RPS6KA2: variants seen among roughly 807,000 people sequenced by gnomAD.
The protein encoded by RPS6KA2 is ribosomal protein S6 kinase A2, also known as ribosomal protein S6 kinase alpha-2.
In RPS6KA2, 42 loss-of-function variants were observed where a neutral mutation model predicts 91.8. The observed-to-expected ratio is 0.46, with a 90% CI of 0.36 to 0.59. RPS6KA2 has a LOEUF of 0.59. RPS6KA2 is among the 20% of genes least tolerant of loss of function. RPS6KA2 has a pLI of 0.00. For synonymous variants in RPS6KA2, 414 were observed against 393.6 expected (o/e 1.05, Z -0.61); for missense variants, 798 against 978.5 (o/e 0.82, Z 2.46).
intron 11 of RPS6KA2, among the ~76,000 whole-genome samples, chr6:166,462,371 G>A (rs1207600882): frequency 6.6e-6 from 1 of 152,212 alleles, no homozygotes; most frequent in African/African-American, 2.4e-5. Flanking sequence ...CAGCTGTCCA[G>A]GAAAGCACAG....
At chr6:166,535,055 A>T (rs900099017) in intron 2 of RPS6KA2, among the ~76,000 whole-genome samples, 1 of 152,214 alleles carries the variant, frequency 6.6e-6, no homozygotes, top group African/African-American at 2.4e-5. Flanking sequence ...ATAAGCTCCA[A>T]AACAACACTG....
intron 10 of RPS6KA2, among the ~76,000 whole-genome samples, chr6:166,481,549 C>G (rs573790274): frequency 1.3e-5 from 2 of 152,264 alleles, no homozygotes; most frequent in East Asian, 3.9e-4. Context: ...GCTGAATTCT[C>G]TGATGAGATA....
At chr6:166,788,959 T>C (rs1583120127) in intron 2 of RPS6KA2, among the ~76,000 whole-genome samples, 1 of 152,188 alleles carries the variant, frequency 6.6e-6, no homozygotes, top group Non-Finnish European at 1.5e-5. Flanking sequence ...GATTTCTGCA[T>C]TTCCATCTGA....
chr6:166,752,068 T>C (rs1286683638), intron 2 of RPS6KA2, among the ~76,000 whole-genome samples: 1 of 152,262 alleles, frequency 6.6e-6, no homozygotes, highest in Admixed American at 6.5e-5. Flanking sequence ...CAGGTCCATT[T>C]GTACCTGGGT....
intron 14 of RPS6KA2, among the ~76,000 whole-genome samples, chr6:166,443,929 T>G (rs1779598038): frequency 6.6e-6 from 1 of 152,178 alleles, no homozygotes; most frequent in Admixed American, 6.5e-5. Flanking sequence ...CTAAAAAATT[T>G]TCCAGTATAT....
chr6:166,469,791 C>T, intron 11 of RPS6KA2, 50 bp downstream of exon 11: 2 of 1,511,588 alleles, frequency 1.3e-6, no homozygotes, highest in Non-Finnish European at 1.8e-6. Context: ...TTCCCTCCAC[C>T]CACTTCTGTG....
chr6:166,591,792 C>A (rs1259022671), intron 1 of RPS6KA2, among the ~76,000 whole-genome samples: 4 of 152,184 alleles, frequency 2.6e-5, no homozygotes, highest in African/African-American at 4.8e-5. Flanking sequence ...AGAAAACTAA[C>A]CCAGCATTTA....
At chr6:166,766,727 G>A (rs138229832) in intron 2 of RPS6KA2, among the ~76,000 whole-genome samples, 191 of 152,322 alleles carry the variant, frequency 1.3e-3, no homozygotes, top group African/African-American at 4.4e-3. Context: ...CACAGATTTT[G>A]AAAGCCCACC....
At chr6:166,830,322 G>A (rs1476214321) in intron 2 of RPS6KA2, among the ~76,000 whole-genome samples, 2 of 152,142 alleles carry the variant, frequency 1.3e-5, no homozygotes, top group Non-Finnish European at 2.9e-5. Context: ...AAGTAGAACA[G>A]TTGCTGTCTC....
In RPS6KA2 at chr6:166,770,731, C is replaced by T. The variant is rs1246889962; in HGVS notation, c.123+87469G>A. 4 of 844,546 alleles carry T rather than the reference C, an allele frequency of 4.7e-6. No homozygotes were observed. The highest frequency in any genetic ancestry group is 3.4e-5 in the African/African-American group (2 of 58,944). The allele number at this position is 844,546 out of a possible 1,614,324, so 52.3% of individuals were successfully genotyped here. ...GGTCCAGCCTTCTAAAAGCTCTTCG[C>T]ACCTTGCCTTGCTGGACTCCGGGCA... On this transcript the variant is annotated intron_variant, in intron 2 of 21. Coordinates refer to the RPS6KA2 transcript ENST00000503859. The surrounding 1 kb of genome is among the most constrained non-coding windows in gnomAD (Gnocchi z 5.1).
chr6:166,649,545 A>T (rs375314748), intron 2 of RPS6KA2, among the ~76,000 whole-genome samples: 2 of 152,302 alleles, frequency 1.3e-5, no homozygotes, highest in East Asian at 3.9e-4. Flanking sequence ...TGAGAGCCTA[A>T]TGTCACCCTA....
chr6:166,474,598 C>T (rs1365424679), intron 10 of RPS6KA2, among the ~76,000 whole-genome samples: 1 of 145,640 alleles, frequency 6.9e-6, no homozygotes, highest in African/African-American at 2.7e-5. Context: ...TTTATACTCA[C>T]TGCAAACTCC....
At position 166,677,633 on chromosome 6, in the gene RPS6KA2, T is replaced by A. The variant is rs967113572; in HGVS notation, c.124-138849A>T. On this transcript the variant is annotated intron_variant, in intron 2 of 21. Coordinates refer to the RPS6KA2 transcript ENST00000503859. ...AAGTGCTGGGATTACAGGCATGTAT[T>A]TACCAACCTGAGTAGGTATTAATGC... is the stretch of plus-strand genomic sequence containing the variant. Among the ~76,000 whole-genome samples the A allele has an allele frequency of 1.3e-5, 2 of 152,204 alleles. 1 individual carries two copies. Among genetic ancestry groups the A allele is most frequent in the Admixed American group, 1.3e-4 (2 of 15,276 alleles).
At chr6:166,672,349 A>T (rs1459974687) in intron 2 of RPS6KA2, among the ~76,000 whole-genome samples, 1 of 152,188 alleles carries the variant, frequency 6.6e-6, no homozygotes, top group Non-Finnish European at 1.5e-5. Context: ...GATACTATTC[A>T]TCTGCTAGAT....
intron 1 of RPS6KA2, chr6:166,861,958 T>C (rs931797301): frequency 6.0e-5 from 56 of 937,878 alleles, no homozygotes; most frequent in Non-Finnish European, 7.9e-5. Flanking sequence ...CAACGCAACA[T>C]ATACATCCAC....
At chr6:166,468,684 A>G (rs1780630649) in intron 11 of RPS6KA2, among the ~76,000 whole-genome samples, 1 of 151,896 alleles carries the variant, frequency 6.6e-6, no homozygotes, top group African/African-American at 2.4e-5. Flanking sequence ...TAACACGGTG[A>G]AACCCTGTCT....
intron 6 of RPS6KA2, among the ~76,000 whole-genome samples, chr6:166,504,202 G>A (rs1484203065): frequency 6.6e-6 from 1 of 152,228 alleles, no homozygotes; most frequent in East Asian, 1.9e-4. Context: ...TCGTGGGCGT[G>A]CCCCTCCCCA....
intron 3 of RPS6KA2, among the ~76,000 whole-genome samples, chr6:166,530,902 G>A (rs1044435954): frequency 6.6e-6 from 1 of 152,228 alleles, no homozygotes; most frequent in Admixed American, 6.5e-5. Context: ...TGCCGGTATC[G>A]AGGCTGGTTT....
chr6:166,597,147 G>C (rs1785561315), intron 1 of RPS6KA2, among the ~76,000 whole-genome samples: 2 of 152,248 alleles, frequency 1.3e-5, no homozygotes, highest in Non-Finnish European at 2.9e-5. Context: ...AAAGAAACAA[G>C]ATAGTGCACG....
Sources: gnomAD v4.1 joint callset for allele counts (sites outside exome capture counted in the v4.1 genomes callset) on GRCh38, gnomAD v4.1.1 for gene constraint, Gnocchi (gnomAD v3.1) non-coding constraint, MANE v1.5 for transcripts, NCBI Gene and HGNC (gene_info 2026-07-23, HGNC 2026-07-21) for gene names.